The following RAPGEF4 variants were observed in gnomAD, a reference collection of about 807,000 sequenced individuals.
The protein encoded by RAPGEF4 is RAP guanine-nucleotide-exchange factor (GEF) 4.
In RAPGEF4, 66 loss-of-function variants were observed where a neutral mutation model predicts 147.9. The observed-to-expected ratio is 0.45, with a 90% confidence interval of 0.37 to 0.55. The LOEUF is 0.55. RAPGEF4 is among the 20% of genes least tolerant of loss of function. The probability of loss-of-function intolerance (pLI) is 0.00; values close to 1 mark genes in which losing one functional copy is unlikely to be tolerated. For synonymous variants in RAPGEF4, 419 were observed against 442.7 expected (o/e 0.95, Z 0.67); for missense variants, 1,071 against 1,257.3 (o/e 0.85, Z 2.24).
At chr2:172,819,269 C>T (rs1203513051) in intron 4 of RAPGEF4, among the ~76,000 whole-genome samples, 2 of 151,942 alleles carry the variant, frequency 1.3e-5, no homozygotes, top group Non-Finnish European at 2.9e-5. Flanking sequence ...TAAATAATGC[C>T]TCTCTCCATT....
intron 29 of RAPGEF4, among the ~76,000 whole-genome samples, chr2:173,037,935 C>T (rs1329290452): frequency 1.3e-5 from 2 of 152,320 alleles, no homozygotes; most frequent in African/African-American, 4.8e-5. Flanking sequence ...GCACGTGTGA[C>T]TCCAGGAGAA....
intron 6 of RAPGEF4, among the ~76,000 whole-genome samples, chr2:172,944,143 C>T (rs552643195): frequency 7.2e-5 from 11 of 152,144 alleles, no homozygotes; most frequent in Non-Finnish European, 1.6e-4. Flanking sequence ...CCTTCTGCTC[C>T]GTCCTTCCTT....
At chr2:172,929,288 TG>T (rs1685682711) in intron 6 of RAPGEF4, among the ~76,000 whole-genome samples, 1 of 152,218 alleles carries the variant, frequency 6.6e-6, no homozygotes, top group Non-Finnish European at 1.5e-5. Flanking sequence ...AACAATTCTG[TG>T]TCAGGCAGGT....
intron 1 of RAPGEF4, among the ~76,000 whole-genome samples, chr2:172,773,533 C>T (rs1683835700): frequency 6.6e-6 from 1 of 152,114 alleles, no homozygotes; most frequent in African/African-American, 2.4e-5. Context: ...TCTTACTCAT[C>T]CATGGCTCTC....
chr2:172,922,713 A>C (rs1684893664), intron 6 of RAPGEF4, among the ~76,000 whole-genome samples: 1 of 152,234 alleles, frequency 6.6e-6, no homozygotes, highest in Non-Finnish European at 1.5e-5. Flanking sequence ...ATACAAGTGC[A>C]CTAGTGTTAA....
chr2:172,923,262 G>A (rs1276187928), intron 6 of RAPGEF4, among the ~76,000 whole-genome samples: 4 of 151,998 alleles, frequency 2.6e-5, no homozygotes, highest in African/African-American at 9.7e-5. Flanking sequence ...GGGAGGTGGG[G>A]GTTGATTTTG....
At chr2:172,964,002 C>A (rs146950916) in intron 8 of RAPGEF4, among the ~76,000 whole-genome samples, 80 of 152,298 alleles carry the variant, frequency 5.3e-4, no homozygotes, top group African/African-American at 1.8e-3. Context: ...TCATCAGACG[C>A]TCTGGGATCA....
chr2:172,786,364 G>A (rs1164153654), intron 1 of RAPGEF4, among the ~76,000 whole-genome samples: 3 of 152,100 alleles, frequency 2.0e-5, no homozygotes, highest in Non-Finnish European at 4.4e-5. Flanking sequence ...TAGATTGTGA[G>A]CTCCTCGTGG....
chr2:173,043,850 T>C (rs959647621), intron 29 of RAPGEF4, among the ~76,000 whole-genome samples: 1 of 152,232 alleles, frequency 6.6e-6, no homozygotes, highest in Non-Finnish European at 1.5e-5. Context: ...TCAGAGCCTC[T>C]GGCTTGTGCC....
At chr2:172,940,179 C>T (rs1401036924) in intron 6 of RAPGEF4, among the ~76,000 whole-genome samples, 2 of 151,850 alleles carry the variant, frequency 1.3e-5, no homozygotes, top group African/African-American at 4.8e-5. Context: ...GGGAGAAGAC[C>T]ACCGAGTTCT....
chr2:172,983,798 C>T (rs1377551500), intron 11 of RAPGEF4, among the ~76,000 whole-genome samples: 1 of 152,160 alleles, frequency 6.6e-6, no homozygotes, highest in Non-Finnish European at 1.5e-5. Flanking sequence ...CCCATGTGCC[C>T]TAAACCCCAG....
At chr2:172,804,070 G>A (rs752932955) in intron 3 of RAPGEF4, among the ~76,000 whole-genome samples, 10 of 152,050 alleles carry the variant, frequency 6.6e-5, no homozygotes, top group Non-Finnish European at 1.2e-4. Context: ...TGAGATTTGG[G>A]TGGGGACACA....
intron 4 of RAPGEF4, among the ~76,000 whole-genome samples, chr2:172,864,257 A>G (rs1281899446): frequency 6.6e-6 from 1 of 152,220 alleles, no homozygotes; most frequent in Non-Finnish European, 1.5e-5. Flanking sequence ...AGTTGAGAGG[A>G]AAAACAGCAG....
At chr2:172,979,555 T>C (rs1381189310) in intron 10 of RAPGEF4, among the ~76,000 whole-genome samples, 1 of 152,222 alleles carries the variant, frequency 6.6e-6, no homozygotes, top group East Asian at 1.9e-4. Flanking sequence ...AAGTTCATGA[T>C]TTAGATCTCA....
At chr2:172,855,345 T>C (rs1693296062) in intron 4 of RAPGEF4, among the ~76,000 whole-genome samples, 1 of 152,214 alleles carries the variant, frequency 6.6e-6, no homozygotes, top group Non-Finnish European at 1.5e-5. Flanking sequence ...GCCCTCCCAA[T>C]GCTTTATGTT....
At chr2:172,816,087 C>A (rs776766151) in intron 4 of RAPGEF4, among the ~76,000 whole-genome samples, 6 of 152,088 alleles carry the variant, frequency 3.9e-5, no homozygotes, top group Non-Finnish European at 7.4e-5. Flanking sequence ...CTGTTACATA[C>A]CCTAATGCCA....
At chr2:172,763,830 A>G (rs1283776623) in intron 1 of RAPGEF4, among the ~76,000 whole-genome samples, 1 of 152,202 alleles carries the variant, frequency 6.6e-6, no homozygotes, top group Non-Finnish European at 1.5e-5. Flanking sequence ...AAATATTTGT[A>G]TGTTGATGTA....
rs3769255 is a variant in RAPGEF4, at chr2:172,929,439, G to A, written c.537+7139G>A. Among the ~76,000 whole-genome samples, 105 of 152,062 alleles carry A rather than the reference G, an allele frequency of 6.9e-4. No homozygotes were observed. The East Asian group carries it at 0.011, about 16-fold the overall frequency. On this transcript the variant is annotated intron_variant, in intron 6 of 30. Transcript: ENST00000397081. ...TATATAGACACATACATATGTATTT[G>A]TACATGTATAAATATGTATATAGCA...
Position 172,754,752 on chromosome 2 carries a change from A to G in RAPGEF4, c.65+18704A>G, listed in dbSNP as rs541667815. On this transcript the variant is annotated intron_variant, in intron 1 of 30. Transcript: ENST00000397081. The stretch of plus-strand genomic sequence containing the variant: ...AATGTCAAGTTAAAGCTTTTTAAAA[A>G]AATCCTCAGGCCAGGCACGGTGGCT... Among the ~76,000 whole-genome samples the G allele has an allele frequency of 2.0e-5, 3 of 152,294 alleles. No homozygotes were observed. In the South Asian group the frequency reaches 6.2e-4, roughly 32 times the overall value.
Sources: allele counts gnomAD v4.1 joint callset (sites outside exome capture counted in the v4.1 genomes callset), GRCh38; gene constraint gnomAD v4.1.1; transcripts MANE v1.5; gene names NCBI Gene and HGNC (gene_info 2026-07-23, HGNC 2026-07-21).